The following RAPGEF1 variants were observed in gnomAD, a reference collection of about 807,000 sequenced individuals.
RAPGEF1 encodes CRK SH3-binding GNRP.
In RAPGEF1, 33 loss-of-function variants were observed where a neutral mutation model predicts 143.3. That is an observed-to-expected ratio of 0.23 (90% confidence interval 0.17 to 0.31). The LOEUF (loss-of-function observed/expected upper bound fraction) is 0.31, where lower values mean the gene tolerates loss of function less well. RAPGEF1 is among the 10% of genes least tolerant of loss of function. The pLI, the probability that RAPGEF1 is intolerant of heterozygous loss-of-function variation, is 1.00. For synonymous variants in RAPGEF1, 629 were observed against 676.5 expected, an observed-to-expected ratio of 0.93 and a Z score of 1.09; for missense variants, 1,199 against 1,645.4, an observed-to-expected ratio of 0.73 and a Z score of 4.69.
chr9:131,610,241 A>G (rs1957826173), intron 12 of RAPGEF1, among the ~76,000 whole-genome samples: 1 of 152,194 alleles, frequency 6.6e-6, no homozygotes, highest in African/African-American at 2.4e-5. Context: ...TCAATATAAC[A>G]GCCACTCCAC....
At chr9:131,652,144 T>C (rs1564626974) in intron 1 of RAPGEF1, among the ~76,000 whole-genome samples, 1 of 152,236 alleles carries the variant, frequency 6.6e-6, no homozygotes, top group Non-Finnish European at 1.5e-5. Context: ...CCATGGCACA[T>C]TTAACCTTCA....
intron 6 of RAPGEF1, among the ~76,000 whole-genome samples, chr9:131,629,569 T>A (rs12335769): frequency 0.09 from 13,716 of 152,118 alleles, 758 homozygotes; most frequent in East Asian, 0.26. Flanking sequence ...GGCGGGCAGA[T>A]CACTTGAGGT....
chr9:131,588,789 T>C lies in RAPGEF1; in HGVS notation c.3053+12A>G. 6.2e-7 allele frequency: 1 copy of C among 1,600,328 alleles called. No homozygotes were observed. The highest frequency in any genetic ancestry group is 1.7e-5 in the Admixed American group (1 of 58,308). ...TGGGGAAGAGGCAGGGCTGGAGAGG[T>C]GGGCTTCTCACCTGGCTGCTACCCC... On this transcript the variant is annotated intron_variant, in intron 20 of 26. Transcript: ENST00000683357.
intron 12 of RAPGEF1, among the ~76,000 whole-genome samples, chr9:131,609,952 A>T (rs1957769289): frequency 6.6e-6 from 1 of 152,158 alleles, no homozygotes; most frequent in South Asian, 2.1e-4. Flanking sequence ...GTTGGAGTGC[A>T]GTGATGCGGT....
intron 1 of RAPGEF1, among the ~76,000 whole-genome samples, chr9:131,654,343 C>T (rs1443857713): frequency 6.6e-6 from 1 of 151,850 alleles, no homozygotes; most frequent in Non-Finnish European, 1.5e-5. Context: ...TCCTTCATCT[C>T]AGCATTATTA....
At chr9:131,644,068 A>T (rs1453487096) in intron 3 of RAPGEF1, among the ~76,000 whole-genome samples, 1 of 152,206 alleles carries the variant, frequency 6.6e-6, no homozygotes, top group African/African-American at 2.4e-5. Flanking sequence ...GATTCTCAAG[A>T]TTCAATCACG....
intron 1 of RAPGEF1, among the ~76,000 whole-genome samples, chr9:131,736,090 T>C (rs553832211): frequency 2.0e-5 from 3 of 152,224 alleles, no homozygotes; most frequent in South Asian, 4.1e-4. Flanking sequence ...ACCAGAACCA[T>C]GTTCATTTGT....
At chr9:131,737,896 AGGC>A (rs1198233719) in intron 1 of RAPGEF1, among the ~76,000 whole-genome samples, 26 of 129,414 alleles carry the variant, frequency 2.0e-4, no homozygotes, top group African/African-American at 7.4e-4. Flanking sequence ...ACCCAGGAGG[AGGC>A]GGAGCTTGCA....
chr9:131,668,222 C>T (rs1162781040), intron 1 of RAPGEF1, among the ~76,000 whole-genome samples: 1 of 152,156 alleles, frequency 6.6e-6, no homozygotes, highest in Non-Finnish European at 1.5e-5. Context: ...ACCACAGATG[C>T]TGCTTGAGGG....
At chr9:131,633,261 T>TAGAAA (rs1271888432) in intron 5 of RAPGEF1, among the ~76,000 whole-genome samples, 4 of 152,142 alleles carry the variant, frequency 2.6e-5, no homozygotes, top group Admixed American at 2.6e-4. Context: ...AGAGAGCAGT[T>TAGAAA]AGAAAAGAGG....
rs143120730 is a variant in RAPGEF1 at position 131,669,645 on chromosome 9, C to T, written c.62-18696G>A. Among the ~76,000 whole-genome samples the T allele has an allele frequency of 4.2e-3, 646 of 152,242 alleles. 4 individuals carry two copies. Among genetic ancestry groups the T allele is most frequent in the Middle Eastern group, 0.014 (4 of 294 alleles). On this transcript the variant is annotated intron_variant, in intron 1 of 26. Coordinates refer to ENST00000683357, the MANE Select transcript of RAPGEF1 (RefSeq NM_001377935.1). ...CTCAGCCCTTTCTCCTCCTCATGTT[C>T]TGACATGACACCCAAGCATGCAGAG...
chr9:131,612,557 G>A (rs1164650122), intron 12 of RAPGEF1, among the ~76,000 whole-genome samples: 1 of 152,182 alleles, frequency 6.6e-6, no homozygotes, highest in Admixed American at 6.5e-5. Flanking sequence ...GGCAAGGCAG[G>A]CTCGCTCCTG....
chr9:131,668,774 GAAAA>G (rs941582374), intron 1 of RAPGEF1, among the ~76,000 whole-genome samples: 1 of 151,956 alleles, frequency 6.6e-6, no homozygotes, highest in East Asian at 1.9e-4. Context: ...GAGGCAAAAT[GAAAA>G]AAAGAGTGAT....
intron 22 of RAPGEF1, among the ~76,000 whole-genome samples, chr9:131,587,011 A>C (rs1030306816): frequency 4.2e-4 from 10 of 23,902 alleles, no homozygotes; most frequent in Admixed American, 1.8e-3. Flanking sequence ...CTCCGTCTCA[A>C]ACACACACAC....
chr9:131,640,855 A>G (rs1489805324), intron 4 of RAPGEF1, among the ~76,000 whole-genome samples: 1 of 152,168 alleles, frequency 6.6e-6, no homozygotes, highest in African/African-American at 2.4e-5. Flanking sequence ...GCATCTGAGG[A>G]GGTATTTCCA....
intron 15 of RAPGEF1, among the ~76,000 whole-genome samples, chr9:131,600,131 A>G (rs1211201249): frequency 2.0e-5 from 3 of 151,978 alleles, no homozygotes; most frequent in Non-Finnish European, 4.4e-5. Context: ...AAAAAAAAAA[A>G]TGTGCCTTCA....
intron 15 of RAPGEF1, among the ~76,000 whole-genome samples, chr9:131,600,774 G>A (rs1008763232): frequency 6.6e-6 from 1 of 152,120 alleles, no homozygotes; most frequent in Non-Finnish European, 1.5e-5. Context: ...GTGCCCATTT[G>A]CAGATCCTAC....
chr9:131,678,319 T>C (rs1300526373), intron 1 of RAPGEF1, among the ~76,000 whole-genome samples: 1 of 152,226 alleles, frequency 6.6e-6, no homozygotes, highest in Admixed American at 6.5e-5. Context: ...AAGAGGGACT[T>C]TTCCTAGCAC....
rs1832209019 is a variant in RAPGEF1, at chr9:131,675,656, G to T, written c.62-24707C>A. On this transcript the variant is annotated intron_variant, in intron 1 of 26. Transcript: ENST00000683357. This position sits in a 1 kb window ranked among gnomAD's most constrained non-coding sequence, Gnocchi z 4.6. ...CACCATTATCCTGCCCCTGTACCAG[G>T]AAAGCCCCCAGGGAATGAAGGTAGA... is the stretch of plus-strand genomic sequence containing the variant. Among the ~76,000 whole-genome samples the T allele has an allele frequency of 1.3e-5, 2 of 152,232 alleles. No individual in the cohort carries two copies.
Sources: allele counts gnomAD v4.1 joint callset (sites outside exome capture counted in the v4.1 genomes callset), GRCh38; gene constraint gnomAD v4.1.1; non-coding constraint Gnocchi (gnomAD v3.1); transcripts MANE v1.5; gene names NCBI Gene and HGNC (gene_info 2026-07-23, HGNC 2026-07-21).